The following HUWE1 variants were observed in gnomAD, a reference collection of about 807,000 sequenced individuals.
The protein encoded by HUWE1 is HECT, UBA and WWE domain containing E3 ubiquitin protein ligase 1, also known as E3 ubiquitin-protein ligase HUWE1.
Under a neutral mutation model 299.4 loss-of-function variants are expected in HUWE1, and 18 were observed. The observed-to-expected ratio is 0.06, with a 90% CI of 0.04 to 0.09. The LOEUF (loss-of-function observed/expected upper bound fraction) is 0.09, where lower values mean the gene tolerates loss of function less well. Ranked by LOEUF, HUWE1 falls within the 10% of genes least tolerant of loss-of-function variation. The pLI is 1.00. For synonymous variants in HUWE1, 1,317 were observed against 1,286.1 expected (o/e 1.02, Z -0.51); for missense variants, 1,832 against 3,462.3 (o/e 0.53, Z 11.82).
chrX:53,637,837 C>G (rs1043577207), intron 7 of HUWE1, among the ~76,000 whole-genome samples: 1 of 111,638 alleles, frequency 9.0e-6, no homozygotes, highest in Non-Finnish European at 1.9e-5. Flanking sequence ...TTGTTGCATA[C>G]ATAAAACACC....
chrX:53,538,679 T>C (rs782520987), intron 76 of HUWE1, among the ~76,000 whole-genome samples, 156 bp downstream of exon 76: 2 of 105,742 alleles, frequency 1.9e-5, no homozygotes, highest in East Asian at 6.1e-4. Context: ...AGGGTTTACG[T>C]GCACGGGTGT....
rs372463794 is a variant in HUWE1, at chrX:53,554,724, C to G, written c.8403G>C (p.Leu2801Phe). The change falls in exon 61 of 84, where the codon TTG (leucine) becomes TTC (phenylalanine). Residue 2801 changes from leucine (L) to phenylalanine (F), a missense_variant. Physicochemically the swap from Leu to Phe is conservative, Grantham distance 22 (BLOSUM62 0). Coordinates refer to ENST00000262854, the MANE Select transcript of HUWE1 (RefSeq NM_031407.7). ...CCAATTCCTCTGGCTCTACAGGCAT[C>G]AATAGCTGTGTAGAGCTGCCCCCTT... ...AGEGGSSTQL[L>F]MPVEPEELGP... 8.3e-7 allele frequency: 1 copy of G among 1,210,593 alleles called. No homozygotes were observed. Among genetic ancestry groups the G allele is most frequent in the Non-Finnish European group, 1.1e-6 (1 of 894,759 alleles).
At chrX:53,539,944 G>A (rs1315686744) in intron 74 of HUWE1, 132 bp from the exon 75 acceptor site, 2 of 549,869 alleles carry the variant, frequency 3.6e-6, no homozygotes, top group Non-Finnish European at 2.9e-6. Context: ...GGTACTCACC[G>A]AGCAACATCT....
Position 53,645,379 on chromosome X carries a change from T to C in HUWE1, c.436A>G (p.Asn146Asp). 1 of 1,210,229 alleles carries C rather than the reference T, an allele frequency of 8.3e-7. No individual in the cohort carries two copies. The highest frequency in any genetic ancestry group is 1.1e-6 in the Non-Finnish European group (1 of 894,667). ...NLLYVFSKRS[N>D]YITRLGSDKR... ...TCAGATCCCAGACGAGTGATGTAGT[T>C]TGATCTTTTGCTAAATACATATAGG... Residue 146 changes from asparagine (N) to aspartate (D), a missense_variant, in exon 7 of 84, where the codon AAC becomes GAC. Asn to Asp is a conservative substitution (Grantham distance 23). This residue lies in a region of HUWE1 where 658 missense variants were observed against 1,282.6 expected (regional missense o/e 0.51). Coordinates refer to ENST00000262854, the MANE Select transcript of HUWE1 (RefSeq NM_031407.7).
At chrX:53,588,333 A>AT in intron 37 of HUWE1, 49 bp downstream of exon 37, 10 of 1,153,490 alleles carry the variant, frequency 8.7e-6, no homozygotes, top group Non-Finnish European at 1.2e-5. Context: ...TAAGTGTTTG[A>AT]TAATTCTTTC....
Position 53,558,693 on chromosome X carries a change from C to T in HUWE1, c.8122G>A (p.Gly2708Ser). ...TCCCTGTTCTCCTTATCTTCTTTGCCTTTATCAGTTATCTTTGTTTCTTCC... is the reference window on the plus strand; with the variant it reads ...TCCCTGTTCTCCTTATCTTCTTTGCTTTTATCAGTTATCTTTGTTTCTTCC... The part of the protein sequence containing the change: ...AEEETKITDK[G>S]KEDKENRDQS... The change falls in exon 59 of 84, where the codon GGC (glycine) becomes AGC (serine). Residue 2708 changes from glycine to serine, a missense_variant. By Grantham distance (56) the Gly-to-Ser change is moderately conservative. Around this residue, in one of 15 missense-constraint regions of HUWE1, gnomAD observed 143 missense variants for 148.1 expected, o/e 0.97. Coordinates refer to ENST00000262854, the MANE Select transcript of HUWE1 (RefSeq NM_031407.7). 2.5e-6 allele frequency: 3 copies of T among 1,210,894 alleles called. No homozygotes were observed. Among genetic ancestry groups the T allele is most frequent in the African/African-American group, 1.7e-5 (1 of 57,795 alleles).
Position 53,549,214 on chromosome X carries a change from C to G in HUWE1, c.9780G>C (p.Gly3260=). Reference sequence around the variant, plus strand: ...GGGGACGGTTCTCATGGCTACTTGACCCACAGCTCTTGCTCGACTTTTTGC... The same window carrying G: ...GGGGACGGTTCTCATGGCTACTTGAGCCACAGCTCTTGCTCGACTTTTTGC... ...EKGKKSSKSC[G]SSSHENRPLD... The change falls in exon 67 of 84, where the codon GGG becomes GGC. Residue 3260 remains glycine (G), a synonymous_variant. Coordinates refer to ENST00000262854, the MANE Select transcript of HUWE1 (RefSeq NM_031407.7). 8.3e-7 allele frequency: 1 copy of G among 1,212,024 alleles called. No individual in the cohort carries two copies. The highest frequency in any genetic ancestry group is 1.1e-6 in the Non-Finnish European group (1 of 895,574).
intron 7 of HUWE1, among the ~76,000 whole-genome samples, chrX:53,640,666 A>G (rs1339240264): frequency 9.0e-6 from 1 of 111,548 alleles, no homozygotes; most frequent in African/African-American, 3.3e-5. Context: ...TTCAGAGCAA[A>G]AAGTAGCAAG....
chrX:53,541,008 T>C (rs2061321335), intron 74 of HUWE1, among the ~76,000 whole-genome samples: 1 of 111,673 alleles, frequency 9.0e-6, no homozygotes, highest in Admixed American at 9.6e-5. Flanking sequence ...GAAAATAATA[T>C]CTATCTCCCC....
At chrX:53,635,211 T>C (rs1471590926) in intron 7 of HUWE1, among the ~76,000 whole-genome samples, 2 of 109,732 alleles carry the variant, frequency 1.8e-5, no homozygotes, top group Admixed American at 9.7e-5. Flanking sequence ...ACATTTCATA[T>C]AAAAAGATAT....
intron 36 of HUWE1, 133 bp downstream of exon 36, chrX:53,589,414 C>T (rs1602920453): frequency 3.2e-6 from 2 of 627,205 alleles, no homozygotes; most frequent in Non-Finnish European, 2.7e-6. Context: ...ATTACCAGAT[C>T]GAAAGAATCC....
intron 6 of HUWE1, 103 bp from the exon 7 acceptor site, chrX:53,645,566 T>C (rs2067918069): frequency 2.4e-6 from 2 of 819,396 alleles, no homozygotes; most frequent in South Asian, 4.4e-5. Context: ...TCAAGAAGTT[T>C]AGTCACAACA....
At chrX:53,557,087 C>T (rs1190211339) in intron 60 of HUWE1, 7 of 401,171 alleles carry the variant, frequency 1.7e-5, no homozygotes, top group Non-Finnish European at 3.2e-5. Context: ...GAGTTGCAGT[C>T]AGGAAATGAA....
At chrX:53,574,816 C>A (rs1226211731) in intron 46 of HUWE1, among the ~76,000 whole-genome samples, 1 of 111,894 alleles carries the variant, frequency 8.9e-6, no homozygotes, top group African/African-American at 3.3e-5. Context: ...AGGCATCCAC[C>A]ACGTAAAGCA....
chrX:53,588,929 GT>G (rs782239320), intron 36 of HUWE1, among the ~76,000 whole-genome samples: 212 of 112,264 alleles, frequency 1.9e-3, no homozygotes, highest in Middle Eastern at 9.2e-3. Context: ...GTGAAAAAAT[GT>G]TTTATCCAGT....
At chrX:53,620,846 T>C (rs1256514807) in intron 19 of HUWE1, among the ~76,000 whole-genome samples, 1 of 111,051 alleles carries the variant, frequency 9.0e-6, no homozygotes, top group Non-Finnish European at 1.9e-5. Context: ...AGGTTGAAAG[T>C]AGGTAACAGG....
intron 19 of HUWE1, among the ~76,000 whole-genome samples, chrX:53,620,254 TG>T (rs141959288): frequency 0.28 from 29,439 of 103,856 alleles, 4,234 homozygotes; most frequent in South Asian, 0.43. Flanking sequence ...AGCTTCCATT[TG>T]TCTTTTTTTT....
rs782479849 is a variant in HUWE1, at chrX:53,587,739, CCT to C, written c.4614+641_4614+642del. On this transcript the variant is annotated intron_variant, in intron 37 of 83. Transcript: ENST00000262854. ...TTTGACTCTTATATTGGATTTATCC[CCT>C]GAGTTTGCTGTATGTAAAGGGTTCA... 1.3e-4 allele frequency among the ~76,000 whole-genome samples: 15 copies of C among 111,328 alleles called. 1 individual carries two copies. The highest frequency in any genetic ancestry group is 1.0e-3 in the Admixed American group (11 of 10,548).
chrX:53,634,947 A>ATG (rs1557025475), intron 7 of HUWE1, among the ~76,000 whole-genome samples: 2 of 112,221 alleles, frequency 1.8e-5, no homozygotes, highest in Non-Finnish European at 3.8e-5. Flanking sequence ...CTGCATCTTA[A>ATG]CAGCCTTTAA....
Sources: gnomAD v4.1 joint callset for allele counts (sites outside exome capture counted in the v4.1 genomes callset) on GRCh38, gnomAD v4.1.1 for gene constraint, gnomAD v4.1.1 regional missense constraint, MANE v1.5 for transcripts, NCBI Gene and HGNC (gene_info 2026-07-23, HGNC 2026-07-21) for gene names.